FSTL5: variants seen among roughly 807,000 people sequenced by gnomAD.
FSTL5 encodes the protein follistatin-related protein 5.
A neutral mutation model predicts 89.1 loss-of-function variants in FSTL5; 62 were observed. That is an observed-to-expected ratio of 0.70 (90% CI 0.57 to 0.86). FSTL5 has a LOEUF of 0.86. FSTL5 is among the 40% of genes least tolerant of loss of function. The pLI, the probability that FSTL5 is intolerant of heterozygous loss-of-function variation, is 0.00. For synonymous variants in FSTL5, 383 were observed against 346.2 expected, an observed-to-expected ratio of 1.11 and a Z score of -1.18; for missense variants, 1,057 against 1,001.6, an observed-to-expected ratio of 1.06 and a Z score of -0.75.
chr4:162,145,225 G>A (rs1732926348), intron 1 of FSTL5, among the ~76,000 whole-genome samples: 1 of 151,744 alleles, frequency 6.6e-6, no homozygotes, highest in Admixed American at 6.6e-5. Flanking sequence ...TTTTTAAGTA[G>A]TGAAAAGGAA....
At chr4:161,600,268 T>C (rs1171094955) in intron 7 of FSTL5, among the ~76,000 whole-genome samples, 2 of 151,696 alleles carry the variant, frequency 1.3e-5, no homozygotes, top group African/African-American at 4.8e-5. Context: ...TAGGGATGTA[T>C]ACATTTATGG....
intron 6 of FSTL5, among the ~76,000 whole-genome samples, chr4:161,695,492 T>TAG (rs1738119177): frequency 6.9e-6 from 1 of 144,744 alleles, no homozygotes; most frequent in African/African-American, 2.5e-5. Context: ...TATATATATA[T>TAG]ATCACAGTTT....
intron 4 of FSTL5, among the ~76,000 whole-genome samples, chr4:161,879,869 A>G (rs1732570257): frequency 6.6e-6 from 1 of 152,184 alleles, no homozygotes. Context: ...TATCTATAAT[A>G]TTTCCTTAAA....
intron 3 of FSTL5, among the ~76,000 whole-genome samples, chr4:161,951,544 T>A (rs1485133852): frequency 6.6e-6 from 1 of 152,140 alleles, no homozygotes; most frequent in Non-Finnish European, 1.5e-5. Context: ...TACTATTATT[T>A]GCAACGTTCT....
At chr4:161,619,992 T>C (rs1411753304) in intron 7 of FSTL5, among the ~76,000 whole-genome samples, 1 of 151,920 alleles carries the variant, frequency 6.6e-6, no homozygotes, top group Non-Finnish European at 1.5e-5. Flanking sequence ...ATATACACCA[T>C]GGAATACCAT....
chr4:161,998,691 C>T (rs1332086412), intron 3 of FSTL5, among the ~76,000 whole-genome samples: 1 of 152,042 alleles, frequency 6.6e-6, no homozygotes, highest in Non-Finnish European at 1.5e-5. Flanking sequence ...GACTGAATTG[C>T]TTTGGGTTCA....
chr4:161,729,372 C>A (rs572382255), intron 6 of FSTL5, among the ~76,000 whole-genome samples: 1 of 152,146 alleles, frequency 6.6e-6, no homozygotes, highest in African/African-American at 2.4e-5. Flanking sequence ...TGGAAGTGTG[C>A]GAGACCAAAA....
chr4:161,919,277 C>T (rs1449887365), intron 4 of FSTL5, among the ~76,000 whole-genome samples: 1 of 152,118 alleles, frequency 6.6e-6, no homozygotes, highest in Non-Finnish European at 1.5e-5. Context: ...ATGTAAGAGG[C>T]ACACAGTACA....
intron 4 of FSTL5, among the ~76,000 whole-genome samples, chr4:161,880,946 C>A (rs1454311923): frequency 6.6e-6 from 1 of 151,952 alleles, no homozygotes; most frequent in Non-Finnish European, 1.5e-5. Context: ...AGTGAGGGAA[C>A]TGCTCTGTAT....
intron 3 of FSTL5, among the ~76,000 whole-genome samples, chr4:161,939,149 T>C (rs1180982394): frequency 6.6e-6 from 1 of 151,968 alleles, no homozygotes; most frequent in Non-Finnish European, 1.5e-5. Flanking sequence ...TACTACATTG[T>C]ACTACATGCC....
intron 1 of FSTL5, among the ~76,000 whole-genome samples, chr4:162,119,054 T>G (rs1731757075): frequency 6.6e-6 from 1 of 152,046 alleles, no homozygotes; most frequent in Non-Finnish European, 1.5e-5. Context: ...AGACCCCCTC[T>G]CTAAAAAATA....
chr4:161,542,647 A>G lies in FSTL5; in HGVS notation c.1062T>C (p.Pro354=). Residue 354 remains proline, a synonymous_variant, in exon 9 of 16, where the codon CCT becomes CCC. Coordinates refer to ENST00000306100, the MANE Select transcript of FSTL5 (RefSeq NM_020116.5). Reference sequence around the variant, plus strand: ...GGCACCTAAGACTGGCAGTTACCCCAGGCTCTCTAGCCTGACTCTCTGGAT... The same window carrying G: ...GGCACCTAAGACTGGCAGTTACCCCGGGCTCTCTAGCCTGACTCTCTGGAT... ...RVYPESQARE[P]GVTASLRCHA... 1 of 1,556,616 alleles carries G rather than the reference A, an allele frequency of 6.4e-7. No individual in the cohort carries two copies. Among genetic ancestry groups the G allele is most frequent in the Non-Finnish European group, 8.7e-7 (1 of 1,147,472 alleles).
intron 15 of FSTL5, among the ~76,000 whole-genome samples, chr4:161,400,497 C>T (rs981514713): frequency 3.3e-5 from 5 of 151,812 alleles, no homozygotes; most frequent in African/African-American, 1.2e-4. Flanking sequence ...CAAGGAAGTA[C>T]GGAGCAAGAT....
intron 15 of FSTL5, among the ~76,000 whole-genome samples, chr4:161,422,656 T>G (rs1232747589): frequency 6.6e-6 from 1 of 152,176 alleles, no homozygotes; most frequent in African/African-American, 2.4e-5. Context: ...TAGCAGACTG[T>G]GTGCAGCAAC....
At chr4:161,616,114 T>C (rs1258885454) in intron 7 of FSTL5, among the ~76,000 whole-genome samples, 1 of 151,984 alleles carries the variant, frequency 6.6e-6, no homozygotes, top group Non-Finnish European at 1.5e-5. Context: ...GAGATGGGGT[T>C]TTGCTCTTGT....
At position 161,597,624 on chromosome 4, in the gene FSTL5, A is replaced by G. The variant is rs1194747507; in HGVS notation, c.895-10049T>C. Among the ~76,000 whole-genome samples the G allele has an allele frequency of 3.5e-5, 5 of 144,026 alleles. No homozygotes were observed. The East Asian group carries it at 9.8e-4, about 28-fold the overall frequency. 94.5% of individuals were successfully genotyped at this position (144,026 alleles called of 152,430 possible). A position where few individuals can be genotyped will look rare whatever the true frequency, so the allele number is the denominator to read the frequency against. On this transcript the variant is annotated intron_variant, in intron 7 of 15. Coordinates refer to ENST00000306100, the MANE Select transcript of FSTL5 (RefSeq NM_020116.5). ...GCACATGTACGCTAGAACTTAAAGTATAATAAAAAAAATATGAAACAAAAA... is the reference window on the plus strand; with the variant it reads ...GCACATGTACGCTAGAACTTAAAGTGTAATAAAAAAAATATGAAACAAAAA...
At chr4:161,418,111 T>C (rs1384414631) in intron 15 of FSTL5, among the ~76,000 whole-genome samples, 1 of 152,116 alleles carries the variant, frequency 6.6e-6, no homozygotes, top group Non-Finnish European at 1.5e-5. Flanking sequence ...TGCAGCCCAA[T>C]GATGCGTACA....
intron 3 of FSTL5, among the ~76,000 whole-genome samples, chr4:161,988,454 G>C (rs1178639777): frequency 6.6e-6 from 1 of 152,078 alleles, no homozygotes; most frequent in Non-Finnish European, 1.5e-5. Context: ...AAAGTTTAAA[G>C]AGAAGAAATT....
At chr4:161,919,511 T>C (rs1483392979) in intron 4 of FSTL5, among the ~76,000 whole-genome samples, 1 of 152,222 alleles carries the variant, frequency 6.6e-6, no homozygotes, top group African/African-American at 2.4e-5. Flanking sequence ...AAATTATTTT[T>C]CAGCCATAAA....
Sources: allele counts gnomAD v4.1 joint callset (sites outside exome capture counted in the v4.1 genomes callset), GRCh38; gene constraint gnomAD v4.1.1; transcripts MANE v1.5; gene names NCBI Gene and HGNC (gene_info 2026-07-23, HGNC 2026-07-21).